The following JARID2 variants were observed in gnomAD, a reference collection of about 807,000 sequenced individuals.
JARID2 encodes protein Jumonji.
JARID2 carries 21 observed loss-of-function variants against 125.6 expected under a neutral mutation model. That is an observed-to-expected ratio of 0.17 (90% CI 0.12 to 0.24). The LOEUF (loss-of-function observed/expected upper bound fraction) is 0.24, where lower values mean the gene tolerates loss of function less well. JARID2 is among the 10% of genes least tolerant of loss of function. The pLI is 1.00. For missense variants in JARID2, 1,303 were observed against 1,639.6 expected (o/e 0.79, Z 3.55); for synonymous variants, 736 against 661.6 (o/e 1.11, Z -1.73).
At chr6:15,343,644 G>C (rs928627483) in intron 1 of JARID2, among the ~76,000 whole-genome samples, 22 of 152,180 alleles carry the variant, frequency 1.4e-4, no homozygotes, top group African/African-American at 5.3e-4. Flanking sequence ...TCCTGTCACT[G>C]TGTCCCCCAA....
At chr6:15,308,346 G>C (rs1411386102) in intron 1 of JARID2, among the ~76,000 whole-genome samples, 1 of 152,150 alleles carries the variant, frequency 6.6e-6, no homozygotes, top group Non-Finnish European at 1.5e-5. Context: ...AGATTCAAAG[G>C]CCATCTGGAT....
At chr6:15,406,308 C>G (rs1292296086) in intron 2 of JARID2, among the ~76,000 whole-genome samples, 1 of 152,156 alleles carries the variant, frequency 6.6e-6, no homozygotes, top group Non-Finnish European at 1.5e-5. Context: ...GTAGCGAACG[C>G]CTATAGTCCC....
chr6:15,248,225 C>A (rs1307214064), intron 1 of JARID2: 1 of 237,318 alleles, frequency 4.2e-6, no homozygotes, highest in Non-Finnish European at 6.5e-6. Context: ...GCGAAAGGGA[C>A]GGCCCGCGGG....
At position 15,496,146 on chromosome 6, in the gene JARID2, C is replaced by T. The variant is rs778805386; in HGVS notation, c.921C>T (p.Asn307=). 18 of 1,611,470 alleles carry T rather than the reference C, an allele frequency of 1.1e-5. No individual in the cohort carries two copies. The highest frequency in any genetic ancestry group is 4.5e-5 in the East Asian group (2 of 44,832). The part of the protein sequence containing the change: ...QDLRKQVSKV[N]GVTRMSSLGA... ...CTGCTCCACAGGTTTCTAAGGTAAACGGAGTCACTCGAATGTCATCTCTGG... is the reference window on the plus strand; with the variant it reads ...CTGCTCCACAGGTTTCTAAGGTAAATGGAGTCACTCGAATGTCATCTCTGG... Residue 307 remains asparagine (N), a synonymous_variant, in exon 7 of 18, where the codon AAC becomes AAT. Coordinates refer to ENST00000341776, the MANE Select transcript of JARID2 (RefSeq NM_004973.4).
rs765610729 is a variant in JARID2 at position 15,500,896 on chromosome 6, C to T, written c.1946-11C>T. 13 of 1,571,514 alleles carry T rather than the reference C, an allele frequency of 8.3e-6. No individual in the cohort carries two copies. The highest frequency in any genetic ancestry group is 6.8e-5 in the African/African-American group (5 of 73,032). The stretch of plus-strand genomic sequence containing the variant: ...CTAACTGTCCCGTTTTTTTCCCCTT[C>T]GCTGTCCCAGGGGGCTGTGAGCTCG... On this transcript the variant is annotated splice_polypyrimidine_tract_variant and intron_variant, in intron 7 of 17. Transcript: ENST00000341776.
chr6:15,462,734 A>C (rs2127663906), intron 4 of JARID2, among the ~76,000 whole-genome samples: 1 of 152,360 alleles, frequency 6.6e-6, no homozygotes, highest in African/African-American at 2.4e-5. Flanking sequence ...GGTCTTTCCA[A>C]AATACAGCCA....
At chr6:15,408,437 T>G (rs1765738722) in intron 2 of JARID2, among the ~76,000 whole-genome samples, 1 of 152,222 alleles carries the variant, frequency 6.6e-6, no homozygotes, top group South Asian at 2.1e-4. Flanking sequence ...CTTGGCCAAC[T>G]CTAATCTCAG....
chr6:15,413,000 G>GTTTTTTTTTTTTTTTTTTT (rs1561845196), intron 3 of JARID2, among the ~76,000 whole-genome samples: 1 of 65,028 alleles, frequency 1.5e-5, no homozygotes, highest in African/African-American at 6.0e-5. Flanking sequence ...GGAAGAGCTT[G>GTTTTTTTTTTTTTTTTTTT]TGTTTTTGTT....
intron 3 of JARID2, among the ~76,000 whole-genome samples, chr6:15,427,021 C>T (rs1436368396): frequency 6.6e-6 from 1 of 152,152 alleles, no homozygotes; most frequent in Admixed American, 6.5e-5. Context: ...TGGCTGTGTG[C>T]AATTTATTTT....
chr6:15,326,815 A>G (rs538900208), intron 1 of JARID2, among the ~76,000 whole-genome samples: 5 of 152,376 alleles, frequency 3.3e-5, no homozygotes, highest in Non-Finnish European at 7.3e-5. Flanking sequence ...ATTAATTTTT[A>G]AAAGCTGTGA....
intron 1 of JARID2, among the ~76,000 whole-genome samples, chr6:15,326,033 AT>A (rs1762522250): frequency 6.6e-6 from 1 of 152,228 alleles, no homozygotes; most frequent in African/African-American, 2.4e-5. Flanking sequence ...TTAATATGAA[AT>A]TTGTTTTAAT....
rs758827520 is a variant in JARID2, at chr6:15,508,325, C to T, written c.2732-15C>T. The T allele has an allele frequency of 2.2e-6, 3 of 1,363,768 alleles. No homozygotes were observed. The highest frequency in any genetic ancestry group is 3.4e-5 in the Admixed American group (2 of 59,630). 84.5% of individuals were successfully genotyped at this position (1,363,768 alleles called of 1,614,324 possible). ...CTAGCTTTTAAAAATGCCCTTTTCA[C>T]TCTTTCTGTTTTAGGAGTGACTATT... On this transcript the variant is annotated splice_polypyrimidine_tract_variant and intron_variant, in intron 11 of 17. Transcript: ENST00000341776.
At chr6:15,398,945 C>T (rs751515951) in intron 2 of JARID2, among the ~76,000 whole-genome samples, 1 of 152,196 alleles carries the variant, frequency 6.6e-6, no homozygotes, top group Non-Finnish European at 1.5e-5. Flanking sequence ...ATCAGAATAT[C>T]TGCCTCAGGT....
intron 5 of JARID2, among the ~76,000 whole-genome samples, chr6:15,469,632 T>C (rs1422237777): frequency 6.6e-6 from 1 of 150,724 alleles, no homozygotes; most frequent in African/African-American, 2.4e-5. Context: ...GGTTTTTCAA[T>C]AGAGAAGTGA....
intron 1 of JARID2, among the ~76,000 whole-genome samples, chr6:15,252,527 A>G (rs62397310): frequency 0.099 from 15,097 of 152,244 alleles, 961 homozygotes; most frequent in South Asian, 0.21. Context: ...TTTTGGAGTT[A>G]AAATAATTGT....
chr6:15,356,687 C>A (rs930826258), intron 1 of JARID2, among the ~76,000 whole-genome samples: 23 of 152,054 alleles, frequency 1.5e-4, no homozygotes, highest in African/African-American at 5.6e-4. Flanking sequence ...TTTTCATTAT[C>A]TCATATTTTG....
chr6:15,382,040 T>C (rs1764608885), intron 2 of JARID2, among the ~76,000 whole-genome samples: 1 of 152,184 alleles, frequency 6.6e-6, no homozygotes, highest in South Asian at 2.1e-4. Flanking sequence ...TCCCAGCACT[T>C]TGGGAGGCCG....
At chr6:15,288,701 C>T (rs1434755622) in intron 1 of JARID2, among the ~76,000 whole-genome samples, 2 of 152,170 alleles carry the variant, frequency 1.3e-5, no homozygotes, top group East Asian at 3.8e-4. Flanking sequence ...TTTATTCAGG[C>T]CTCAGCTTGA....
intron 5 of JARID2, among the ~76,000 whole-genome samples, chr6:15,474,709 A>G (rs771250316): frequency 7.9e-5 from 12 of 152,202 alleles, no homozygotes; most frequent in Non-Finnish European, 1.6e-4. Flanking sequence ...TTCAAGGAAA[A>G]TGACATTTCC....
Sources: allele counts gnomAD v4.1 joint callset (sites outside exome capture counted in the v4.1 genomes callset), GRCh38; gene constraint gnomAD v4.1.1; transcripts MANE v1.5; gene names NCBI Gene and HGNC (gene_info 2026-07-23, HGNC 2026-07-21).